The following MED12L variants were observed in gnomAD, a reference collection of about 807,000 sequenced individuals.
MED12L encodes the protein mediator complex subunit 12L.
A neutral mutation model predicts 281.3 loss-of-function variants in MED12L; 60 were observed. That is an observed-to-expected ratio of 0.21 (90% CI 0.17 to 0.26). The LOEUF (loss-of-function observed/expected upper bound fraction) is 0.26, where lower values mean the gene tolerates loss of function less well. Among genes scored for constraint, MED12L ranks in the 10% least tolerant of loss-of-function variants. The pLI is 1.00. For missense variants in MED12L, 2,146 were observed against 2,680.9 expected (o/e 0.80, Z 4.41); for synonymous variants, 974 against 987.2 (o/e 0.99, Z 0.25).
chr3:151,427,482 T>C (rs540394278), intron 43 of MED12L, among the ~76,000 whole-genome samples: 180 of 152,308 alleles, frequency 1.2e-3, no homozygotes, highest in African/African-American at 4.2e-3. Flanking sequence ...CAAAATATAG[T>C]ATCTGAGGCA....
intron 39 of MED12L, among the ~76,000 whole-genome samples, chr3:151,403,785 TA>T (rs1258529245): frequency 2.0e-5 from 3 of 152,262 alleles, no homozygotes; most frequent in Admixed American, 1.3e-4. Context: ...TATACATTGA[TA>T]AAGATATCCT....
chr3:151,256,641 A>C (rs1737863066), intron 16 of MED12L, among the ~76,000 whole-genome samples: 1 of 152,260 alleles, frequency 6.6e-6, no homozygotes, highest in African/African-American at 2.4e-5. Context: ...CAGGAAAGAC[A>C]AAAGCTTATT....
At chr3:151,292,943 G>A (rs977699568) in intron 16 of MED12L, among the ~76,000 whole-genome samples, 10 of 152,142 alleles carry the variant, frequency 6.6e-5, no homozygotes, top group Non-Finnish European at 1.5e-4. Flanking sequence ...AATTGGGGGC[G>A]GTGATAGCTA....
chr3:151,413,430 C>A, intron 42 of MED12L, 135 bp downstream of exon 42: 2 of 1,070,730 alleles, frequency 1.9e-6, no homozygotes, highest in Non-Finnish European at 2.7e-6. Context: ...ATGCTAGGAG[C>A]TACATTGGTA....
At chr3:151,213,290 G>T in intron 16 of MED12L, 1 of 1,584,342 alleles carries the variant, frequency 6.3e-7, no homozygotes, top group Non-Finnish European at 8.6e-7. Flanking sequence ...CTTTGGAAGA[G>T]GGTAGGAACT....
chr3:151,389,341 T>C (rs916933568), intron 37 of MED12L, among the ~76,000 whole-genome samples: 5 of 152,160 alleles, frequency 3.3e-5, no homozygotes, highest in Non-Finnish European at 7.3e-5. Flanking sequence ...TGAGATATGC[T>C]CTTCAGTAAA....
intron 16 of MED12L, among the ~76,000 whole-genome samples, chr3:151,318,601 T>C (rs1748595781): frequency 6.6e-6 from 1 of 152,162 alleles, no homozygotes; most frequent in Non-Finnish European, 1.5e-5. Flanking sequence ...TAAAAGTATG[T>C]TGTGCAAAGA....
At chr3:151,131,208 C>CA (rs1715345934) in intron 5 of MED12L, among the ~76,000 whole-genome samples, 1 of 152,078 alleles carries the variant, frequency 6.6e-6, no homozygotes, top group Admixed American at 6.5e-5. Context: ...CAGTGTTTTT[C>CA]CTGATGTTCA....
At chr3:151,198,375 T>G in intron 16 of MED12L, 1 of 1,288,490 alleles carries the variant, frequency 7.8e-7, no homozygotes, top group South Asian at 1.9e-5. Flanking sequence ...AAGCTATAAT[T>G]AACTTTATGG....
chr3:151,172,709 C>G (rs912362617), intron 11 of MED12L, among the ~76,000 whole-genome samples: 12 of 152,182 alleles, frequency 7.9e-5, no homozygotes, highest in African/African-American at 2.9e-4. Context: ...ACCAAGACTG[C>G]AGAAAGTCAA....
chr3:151,392,267 C>G lies in MED12L; in HGVS notation c.5608+2132C>G, dbSNP rs573836296. Among the ~76,000 whole-genome samples, 12 of 151,888 alleles carry G rather than the reference C, an allele frequency of 7.9e-5. No individual in the cohort carries two copies. In the South Asian group the frequency reaches 2.1e-3, roughly 26 times the overall value. ...TCACCTAAGGTCAGGAGTTAAAGAC[C>G]AGCCTGGCCAATATGGTGAAACCCC... On this transcript the variant is annotated intron_variant, in intron 38 of 44. Coordinates refer to ENST00000687756, the MANE Select transcript of MED12L (RefSeq NM_001393769.1).
chr3:151,260,078 T>C (rs1351859283), intron 16 of MED12L, among the ~76,000 whole-genome samples: 2 of 152,160 alleles, frequency 1.3e-5, no homozygotes, highest in African/African-American at 2.4e-5. Flanking sequence ...GCTGGGGATA[T>C]GGTGATGGGT....
At chr3:151,390,242 T>C in intron 38 of MED12L, 107 bp downstream of exon 38, 1 of 1,032,596 alleles carries the variant, frequency 9.7e-7, no homozygotes, top group South Asian at 1.5e-5. Flanking sequence ...AACCACTGAG[T>C]GCTCAGTTGA....
chr3:151,172,669 G>T (rs531168114), intron 11 of MED12L, among the ~76,000 whole-genome samples: 1 of 152,324 alleles, frequency 6.6e-6, no homozygotes, highest in Non-Finnish European at 1.5e-5. Context: ...AGGTTTTGTT[G>T]TTGTTTAAGG....
At chr3:151,239,094 A>G (rs1011210386) in intron 16 of MED12L, among the ~76,000 whole-genome samples, 6 of 152,322 alleles carry the variant, frequency 3.9e-5, no homozygotes, top group East Asian at 1.9e-4. Flanking sequence ...CACTGTGAGG[A>G]GGGGCAATAT....
At chr3:151,092,770 C>T (rs571733872) in intron 2 of MED12L, among the ~76,000 whole-genome samples, 69 of 152,322 alleles carry the variant, frequency 4.5e-4, no homozygotes, top group African/African-American at 1.6e-3. Flanking sequence ...TTTCAGAAAG[C>T]TCCTCACCTG....
chr3:151,087,203 C>T (rs1368517084), intron 2 of MED12L, among the ~76,000 whole-genome samples, 178 bp downstream of exon 2: 2 of 152,230 alleles, frequency 1.3e-5, no homozygotes, highest in Non-Finnish European at 2.9e-5. Context: ...GACCGAGCGG[C>T]TGTCAGTCCC....
rs1471196988 is a variant in MED12L at position 151,372,784 on chromosome 3, GCCTTT to G, written c.3864+19_3864+23del. The G allele has an allele frequency of 1.2e-6, 2 of 1,603,912 alleles. No individual in the cohort carries two copies. The highest frequency in any genetic ancestry group is 2.2e-5 in the South Asian group (2 of 90,732). ...GTCAACAGGTATTCTAATTTAATTTGCCTTTTACTTTGAGTACGTAACTCTTCTTT... is the reference window on the plus strand; with the variant it reads ...GTCAACAGGTATTCTAATTTAATTTGTACTTTGAGTACGTAACTCTTCTTT... On this transcript the variant is annotated intron_variant, in intron 27 of 44. Coordinates refer to ENST00000687756, the MANE Select transcript of MED12L (RefSeq NM_001393769.1).
chr3:151,278,268 G>A (rs767267924), intron 16 of MED12L: 1 of 152,178 alleles, frequency 6.6e-6, no homozygotes, highest in Non-Finnish European at 1.5e-5. Flanking sequence ...GTCATTTCAT[G>A]GAAAAGCTGT....
Sources: gnomAD v4.1 joint callset for allele counts (sites outside exome capture counted in the v4.1 genomes callset) on GRCh38, gnomAD v4.1.1 for gene constraint, MANE v1.5 for transcripts, NCBI Gene and HGNC (gene_info 2026-07-23, HGNC 2026-07-21) for gene names.